HSD17B12: variants seen among roughly 807,000 people sequenced by gnomAD.
HSD17B12 encodes very-long-chain 3-oxoacyl-CoA reductase.
Under a neutral mutation model 39.3 loss-of-function variants are expected in HSD17B12, and 32 were observed. The observed-to-expected ratio is 0.81, with a 90% CI of 0.61 to 1.09. The LOEUF (loss-of-function observed/expected upper bound fraction) is 1.09. Ranked by LOEUF, HSD17B12 falls within the 50% of genes least tolerant of loss-of-function variation. The pLI is 0.00. For synonymous variants in HSD17B12, 150 were observed against 146.7 expected (o/e 1.02, Z -0.16); for missense variants, 342 against 382.9 (o/e 0.89, Z 0.89).
the HSD17B12 span, among the ~76,000 whole-genome samples, chr11:43,630,540 G>A: frequency 6.6e-6 from 1 of 152,136 alleles, no homozygotes; most frequent in South Asian, 2.1e-4. Context: ...AGGTATCTCT[G>A]GTGGCCACTT....
chr11:43,823,088 G>C (rs1359672743), intron 6 of HSD17B12, among the ~76,000 whole-genome samples: 2 of 151,494 alleles, frequency 1.3e-5, no homozygotes, highest in Non-Finnish European at 2.9e-5. Context: ...CTTAAAGCAG[G>C]GGCTTATAAT....
chr11:43,687,755 T>C (rs971533192), intron 1 of HSD17B12, among the ~76,000 whole-genome samples: 1 of 152,176 alleles, frequency 6.6e-6, no homozygotes, highest in African/African-American at 2.4e-5. Context: ...GTTGAGGTGA[T>C]TTTAAGCAGA....
intron 8 of HSD17B12, 75 bp from the exon 9 acceptor site, chr11:43,839,924 T>G: frequency 8.5e-7 from 1 of 1,174,150 alleles, no homozygotes; most frequent in Admixed American, 1.8e-5. Flanking sequence ...AGTTTATTAT[T>G]TTGTTTCCAT....
chr11:43,659,638 C>G, the HSD17B12 span, among the ~76,000 whole-genome samples: 1 of 151,940 alleles, frequency 6.6e-6, no homozygotes, highest in African/African-American at 2.4e-5. Flanking sequence ...AAAAACTTTT[C>G]CTTATCAAAA....
At chr11:43,780,685 G>A (rs959630848) in intron 3 of HSD17B12, among the ~76,000 whole-genome samples, 3 of 152,088 alleles carry the variant, frequency 2.0e-5, no homozygotes, top group Non-Finnish European at 4.4e-5. Flanking sequence ...TAAAATAGGT[G>A]ACCAGGGTTC....
chr11:43,694,820 A>C (rs1434720712), intron 1 of HSD17B12, among the ~76,000 whole-genome samples: 1 of 152,188 alleles, frequency 6.6e-6, no homozygotes, highest in Non-Finnish European at 1.5e-5. Context: ...ACAGAAAAAA[A>C]ATCTGTAAGA....
At chr11:43,622,473 TA>T in the HSD17B12 span, among the ~76,000 whole-genome samples, 1 of 152,124 alleles carries the variant, frequency 6.6e-6, no homozygotes, top group African/African-American at 2.4e-5. Flanking sequence ...ATTTTTTACT[TA>T]AAAAAACAGT....
chr11:43,836,266 G>A (rs1951369815), intron 7 of HSD17B12, among the ~76,000 whole-genome samples: 1 of 152,146 alleles, frequency 6.6e-6, no homozygotes, highest in East Asian at 1.9e-4. Flanking sequence ...TGCTGTGAAT[G>A]AGTTTGGACA....
chr11:43,732,292 C>T (rs1319879456), intron 1 of HSD17B12, among the ~76,000 whole-genome samples: 2 of 152,188 alleles, frequency 1.3e-5, no homozygotes, highest in Non-Finnish European at 2.9e-5. Flanking sequence ...TCAATGAAAT[C>T]TCTTTCCTTT....
In HSD17B12 at chr11:43,855,309, G is replaced by C. The variant is rs563672988; in HGVS notation, c.*61G>C. The C allele has an allele frequency of 9.8e-5, 92 of 937,522 alleles. No homozygotes were observed. In the African/African-American group the frequency reaches 1.5e-3, roughly 15 times the overall value. 58.1% of individuals were successfully genotyped at this position (937,522 alleles called of 1,614,324 possible). A position where few individuals can be genotyped will look rare whatever the true frequency, so the allele number is the denominator to read the frequency against. ...CCAGCATATGCACGTTCACTGCAAA[G>C]CACCCTACTGGTTTTGAAAATCTGA... On this transcript the variant is annotated 3_prime_UTR_variant, in exon 11 of 11. Coordinates refer to ENST00000278353, the MANE Select transcript of HSD17B12 (RefSeq NM_016142.3).
chr11:43,601,888 C>A, the HSD17B12 span, among the ~76,000 whole-genome samples: 1 of 152,194 alleles, frequency 6.6e-6, no homozygotes, highest in African/African-American at 2.4e-5. Context: ...TGACTTATCA[C>A]CAGAGCTTTT....
chr11:43,836,539 T>C (rs1951372326), intron 7 of HSD17B12, among the ~76,000 whole-genome samples: 1 of 152,150 alleles, frequency 6.6e-6, no homozygotes, highest in African/African-American at 2.4e-5. Context: ...TTTCACATAC[T>C]GAACAATCTA....
At chr11:43,832,642 C>T (rs1272449006) in intron 7 of HSD17B12, among the ~76,000 whole-genome samples, 1 of 152,146 alleles carries the variant, frequency 6.6e-6, no homozygotes, top group Non-Finnish European at 1.5e-5. Flanking sequence ...TGGAGCATTA[C>T]ATAAAGGCAA....
At chr11:43,664,793 CAATT>C in the HSD17B12 span, among the ~76,000 whole-genome samples, 1 of 152,280 alleles carries the variant, frequency 6.6e-6, no homozygotes, top group East Asian at 1.9e-4. Flanking sequence ...CATAAATTTG[CAATT>C]AATAGGATTT....
chr11:43,584,752 T>G, the HSD17B12 span: 129 of 152,360 alleles, frequency 8.5e-4, no homozygotes, highest in Middle Eastern at 3.4e-3. Flanking sequence ...TCCCACTTGA[T>G]GATGAGATAC....
chr11:43,647,925 G>A, the HSD17B12 span, among the ~76,000 whole-genome samples: 1 of 152,090 alleles, frequency 6.6e-6, no homozygotes, highest in Non-Finnish European at 1.5e-5. Flanking sequence ...TCTCTGCCCT[G>A]CTGGGCCCTT....
At chr11:43,820,639 C>A (rs1209911964) in intron 6 of HSD17B12, among the ~76,000 whole-genome samples, 1 of 151,780 alleles carries the variant, frequency 6.6e-6, no homozygotes, top group Non-Finnish European at 1.5e-5. Flanking sequence ...ATGAATTTCT[C>A]AGAAAAGGCC....
Position 43,778,153 on chromosome 11 carries a change from A to G in HSD17B12, c.284-20167A>G, listed in dbSNP as rs2135003670. On this transcript the variant is annotated intron_variant, in intron 3 of 10. Coordinates refer to ENST00000278353, the MANE Select transcript of HSD17B12 (RefSeq NM_016142.3). ...CACAATAAAAAATGATAAAGGGGAT[A>G]TCACCACCGATCCCACAGAAATACA... is the stretch of plus-strand genomic sequence containing the variant. Among the ~76,000 whole-genome samples, 3 of 152,320 alleles carry G rather than the reference A, an allele frequency of 2.0e-5. 1 individual carries two copies. The highest frequency in any genetic ancestry group is 4.1e-4 in the South Asian group (2 of 4,822).
At chr11:43,703,189 T>A (rs2134814375) in intron 1 of HSD17B12, among the ~76,000 whole-genome samples, 1 of 152,328 alleles carries the variant, frequency 6.6e-6, no homozygotes, top group Non-Finnish European at 1.5e-5. Flanking sequence ...AATAGTAGAA[T>A]GAGAATTAAA....
Sources: allele counts gnomAD v4.1 joint callset (sites outside exome capture counted in the v4.1 genomes callset), GRCh38; gene constraint gnomAD v4.1.1; transcripts MANE v1.5; gene names NCBI Gene and HGNC (gene_info 2026-07-23, HGNC 2026-07-21).